NRG1: variants seen among roughly 807,000 people sequenced by gnomAD.
NRG1 encodes the protein pro-neuregulin-1, membrane-bound isoform.
Under a neutral mutation model 63.8 loss-of-function variants are expected in NRG1, and 18 were observed. The observed-to-expected ratio is 0.28, with a 90% CI of 0.19 to 0.42. The LOEUF (loss-of-function observed/expected upper bound fraction) is 0.42. Ranked by LOEUF, NRG1 falls within the 10% of genes least tolerant of loss-of-function variation. The pLI is 1.00. For missense variants in NRG1, 762 were observed against 814.7 expected, an observed-to-expected ratio of 0.94 and a Z score of 0.79; for synonymous variants, 302 against 301.3, an observed-to-expected ratio of 1.00 and a Z score of -0.02.
At chr8:31,882,703 C>T (rs113328456) in intron 1 of NRG1, among the ~76,000 whole-genome samples, 259 of 152,110 alleles carry the variant, frequency 1.7e-3, no homozygotes, top group African/African-American at 2.6e-3. Context: ...AAGTTGATTC[C>T]GGTCCTCACA....
intron 1 of NRG1, among the ~76,000 whole-genome samples, chr8:31,772,067 A>C (rs1818678459): frequency 6.6e-6 from 1 of 152,210 alleles, no homozygotes; most frequent in Admixed American, 6.5e-5. Context: ...TCATCATTTT[A>C]TTTAACTTCT....
At chr8:31,675,560 TG>T (rs1002595339) in intron 1 of NRG1, among the ~76,000 whole-genome samples, 52 of 152,192 alleles carry the variant, frequency 3.4e-4, no homozygotes, top group African/African-American at 1.3e-3. Flanking sequence ...AAGTCCAATT[TG>T]CAAGAATGCT....
chr8:32,407,948 C>T (rs1255766812), intron 1 of NRG1, among the ~76,000 whole-genome samples: 1 of 152,144 alleles, frequency 6.6e-6, no homozygotes. Flanking sequence ...GAGAAGTCAC[C>T]AAGTTCAAAT....
chr8:31,877,718 G>A (rs1830037004), intron 1 of NRG1, among the ~76,000 whole-genome samples: 1 of 152,072 alleles, frequency 6.6e-6, no homozygotes, highest in Non-Finnish European at 1.5e-5. Context: ...GACAGCGGCA[G>A]TGTTCCATCC....
intron 1 of NRG1, among the ~76,000 whole-genome samples, chr8:32,009,361 C>T (rs557692901): frequency 3.9e-5 from 6 of 152,086 alleles, no homozygotes; most frequent in South Asian, 4.1e-4. Flanking sequence ...ACTTTACATT[C>T]GTGCAATCAG....
intron 1 of NRG1, among the ~76,000 whole-genome samples, chr8:32,040,271 A>G (rs1448547830): frequency 6.6e-6 from 1 of 152,224 alleles, no homozygotes; most frequent in African/African-American, 2.4e-5. Flanking sequence ...CTGAGCAACC[A>G]TTTGCCTATG....
chr8:32,603,978 AG>A (rs2129539151), intron 2 of NRG1, among the ~76,000 whole-genome samples: 1 of 152,358 alleles, frequency 6.6e-6, no homozygotes, highest in South Asian at 2.1e-4. Flanking sequence ...ATGTCTGAAG[AG>A]AAAGCATAGC....
chr8:31,778,688 G>A (rs758453618), intron 1 of NRG1, among the ~76,000 whole-genome samples: 1 of 152,124 alleles, frequency 6.6e-6, no homozygotes, highest in Non-Finnish European at 1.5e-5. Context: ...ATTATTTAAG[G>A]GCTTTGCACA....
chr8:31,848,089 G>T (rs938377448), intron 1 of NRG1, among the ~76,000 whole-genome samples: 1 of 152,054 alleles, frequency 6.6e-6, no homozygotes, highest in African/African-American at 2.4e-5. Flanking sequence ...ACAAAGAAAT[G>T]CACTATTATA....
intron 1 of NRG1, among the ~76,000 whole-genome samples, chr8:32,579,381 A>G (rs1358052446): frequency 2.0e-5 from 3 of 152,130 alleles, no homozygotes; most frequent in Non-Finnish European, 2.9e-5. Flanking sequence ...AGGTGATCTG[A>G]CTTTTCATTT....
chr8:31,952,599 A>G (rs1803649957), intron 1 of NRG1, among the ~76,000 whole-genome samples: 2 of 152,274 alleles, frequency 1.3e-5, no homozygotes, highest in Non-Finnish European at 2.9e-5. Context: ...CAACTAACAA[A>G]CAACTGTTAC....
chr8:31,765,887 G>C (rs1818008024), intron 1 of NRG1, among the ~76,000 whole-genome samples: 1 of 152,052 alleles, frequency 6.6e-6, no homozygotes, highest in African/African-American at 2.4e-5. Flanking sequence ...AAGAAAAATA[G>C]CTGCAGTGAT....
At chr8:32,735,787 A>G (rs1168540036) in intron 6 of NRG1, among the ~76,000 whole-genome samples, 1 of 152,230 alleles carries the variant, frequency 6.6e-6, no homozygotes. Context: ...ACAGAGATTT[A>G]GGAAGGGCAC....
At chr8:32,643,226 C>G (rs1167297578) in intron 5 of NRG1, among the ~76,000 whole-genome samples, 2 of 152,216 alleles carry the variant, frequency 1.3e-5, no homozygotes, top group Non-Finnish European at 2.9e-5. Context: ...GCTGCAAATT[C>G]TTTGCCACTT....
chr8:31,918,712 C>T (rs939275031), intron 1 of NRG1, among the ~76,000 whole-genome samples: 3 of 152,122 alleles, frequency 2.0e-5, no homozygotes, highest in African/African-American at 7.2e-5. Context: ...TGATGTTGGC[C>T]TCATAAAATG....
At chr8:32,434,163 C>T (rs572304221) in intron 1 of NRG1, among the ~76,000 whole-genome samples, 12 of 149,936 alleles carry the variant, frequency 8.0e-5, no homozygotes, top group South Asian at 2.1e-4. Context: ...CCCAGCCTGG[C>T]GACAGAATGA....
chr8:31,888,007 G>A (rs1305043560), intron 1 of NRG1, among the ~76,000 whole-genome samples: 1 of 150,320 alleles, frequency 6.7e-6, no homozygotes, highest in Non-Finnish European at 1.5e-5. Context: ...ATAAACCTAG[G>A]ATATAAACCC....
At chr8:32,206,154 C>A (rs897650397) in intron 1 of NRG1, among the ~76,000 whole-genome samples, 1 of 152,040 alleles carries the variant, frequency 6.6e-6, no homozygotes, top group Non-Finnish European at 1.5e-5. Flanking sequence ...GAAACTAGAA[C>A]CAGTTTTATT....
At chr8:32,763,624 C>A in intron 11 of NRG1, 124 bp from the exon 12 acceptor site, 3 of 1,164,332 alleles carry the variant, frequency 2.6e-6, no homozygotes, top group Non-Finnish European at 3.6e-6. Flanking sequence ...AATTAAGCAG[C>A]CTACAATGAA....
Sources: gnomAD v4.1 joint callset for allele counts (sites outside exome capture counted in the v4.1 genomes callset) on GRCh38, gnomAD v4.1.1 for gene constraint, MANE v1.5 for transcripts, NCBI Gene and HGNC (gene_info 2026-07-23, HGNC 2026-07-21) for gene names.